RUBCNL: variants seen among roughly 807,000 people sequenced by gnomAD.
RUBCNL encodes the protein protein associated with UVRAG as autophagy enhancer.
A neutral mutation model predicts 69.5 loss-of-function variants in RUBCNL; 62 were observed. The ratio of observed to expected loss-of-function variants is 0.89; its 90% confidence interval spans 0.73 to 1.10. RUBCNL has a LOEUF of 1.10. RUBCNL is among the 50% of genes least tolerant of loss of function. The probability of loss-of-function intolerance (pLI) is 0.00; values close to 1 mark genes in which losing one functional copy is unlikely to be tolerated. For synonymous variants in RUBCNL, 291 were observed against 303.6 expected, an observed-to-expected ratio of 0.96 and a Z score of 0.43; for missense variants, 768 against 798.1, an observed-to-expected ratio of 0.96 and a Z score of 0.45.
At chr13:46,367,102 C>A (rs2048773868) in intron 5 of RUBCNL, among the ~76,000 whole-genome samples, 1 of 152,192 alleles carries the variant, frequency 6.6e-6, no homozygotes, top group Non-Finnish European at 1.5e-5. Flanking sequence ...AAGTAGCAAA[C>A]CCTAACATGA....
At position 46,356,212 on chromosome 13, in the gene RUBCNL, G is replaced by A. The variant is rs118023404; in HGVS notation, c.1330+220C>T. Among the ~76,000 whole-genome samples the A allele has an allele frequency of 6.0e-4, 91 of 152,308 alleles. No individual in the cohort carries two copies. The East Asian group carries it at 0.016, about 26-fold the overall frequency. ...GTGGCTGGAGCTGATGCCCAACAGG[G>A]AGAGAACTAGGAGGCTGGTCCTGGT... On this transcript the variant is annotated intron_variant, in intron 10 of 14. Coordinates refer to ENST00000429979, the MANE Select transcript of RUBCNL (RefSeq NM_025113.5).
chr13:46,362,054 C>T (rs1479065062), intron 7 of RUBCNL, among the ~76,000 whole-genome samples: 5 of 149,802 alleles, frequency 3.3e-5, no homozygotes, highest in Admixed American at 6.7e-5. Flanking sequence ...AGTGAAACCC[C>T]ATCTCTACTA....
chr13:46,380,477 G>T (rs2049094662), intron 1 of RUBCNL, among the ~76,000 whole-genome samples: 1 of 152,182 alleles, frequency 6.6e-6, no homozygotes, highest in Admixed American at 6.5e-5. Context: ...ATCCAAAGCT[G>T]TTTCCACTGG....
At chr13:46,385,171 C>T (rs185388642) in intron 1 of RUBCNL, 13 of 485,624 alleles carry the variant, frequency 2.7e-5, no homozygotes, top group African/African-American at 2.5e-4. Context: ...ACACAATGTC[C>T]TATGAAGGTT....
chr13:46,352,260 G>A (rs2048385657), intron 10 of RUBCNL, among the ~76,000 whole-genome samples: 1 of 152,170 alleles, frequency 6.6e-6, no homozygotes, highest in Non-Finnish European at 1.5e-5. Flanking sequence ...GCTTCAGAAA[G>A]AAAACAATTC....
chr13:46,339,445 T>A lies in RUBCNL; in HGVS notation c.*3940A>T, dbSNP rs998590954. On this transcript the variant is annotated 3_prime_UTR_variant, in exon 15 of 15. Coordinates refer to ENST00000429979, the MANE Select transcript of RUBCNL (RefSeq NM_025113.5). ...CATCTGACGGTGGCTAAGCCAGCCA[T>A]GCAGGCTCAGACCTGGGGGCAGAAA... 5.9e-5 allele frequency among the ~76,000 whole-genome samples: 9 copies of A among 152,180 alleles called. No homozygotes were observed. The highest frequency in any genetic ancestry group is 1.3e-4 in the Non-Finnish European group (9 of 68,028).
chr13:46,377,903 T>C lies in RUBCNL; in HGVS notation c.-136A>G. ...TCGGACACTCACCAGGAGTATGAATTTCTCGAAGAGGCAGATTGACACAGA... is the reference window on the plus strand; with the variant it reads ...TCGGACACTCACCAGGAGTATGAATCTCTCGAAGAGGCAGATTGACACAGA... On this transcript the variant is annotated 5_prime_UTR_variant, in exon 2 of 15. Coordinates refer to ENST00000429979, the MANE Select transcript of RUBCNL (RefSeq NM_025113.5). 1 of 1,606,596 alleles carries C rather than the reference T, an allele frequency of 6.2e-7. No individual in the cohort carries two copies. The highest frequency in any genetic ancestry group is 2.2e-5 in the East Asian group (1 of 44,802).
intron 2 of RUBCNL, among the ~76,000 whole-genome samples, chr13:46,373,262 C>T (rs535769119): frequency 9.2e-5 from 14 of 152,334 alleles, no homozygotes; most frequent in African/African-American, 2.9e-4. Context: ...GCATGAGCCA[C>T]TGCGCCCAGC....
chr13:46,363,175 G>C lies in RUBCNL; in HGVS notation c.865C>G (p.Arg289Gly). ...VLQVSPVTET[R>G]TYHDVKEICK... ...ATCTCTTTCACATCATGGTAAGTAC[G>C]TGTTTCAGTCACTGGGCTGACCTGT... Residue 289 changes from arginine to glycine, a missense_variant, in exon 6 of 15, where the codon CGT (arginine) becomes GGT (glycine). Physicochemically the swap from Arg to Gly is moderately radical, Grantham distance 125 (BLOSUM62 -2). Coordinates refer to ENST00000429979, the MANE Select transcript of RUBCNL (RefSeq NM_025113.5). The C allele has an allele frequency of 6.3e-7, 1 of 1,598,306 alleles. No homozygotes were observed. The highest frequency in any genetic ancestry group is 8.5e-7 in the Non-Finnish European group (1 of 1,172,348).
chr13:46,362,646 A>G, intron 6 of RUBCNL, 48 bp from the exon 7 acceptor site: 1 of 1,333,428 alleles, frequency 7.5e-7, no homozygotes. Flanking sequence ...AGTCTGTTTC[A>G]TTTAATCGCA....
chr13:46,352,809 A>G (rs2048399204), intron 10 of RUBCNL, among the ~76,000 whole-genome samples: 1 of 151,654 alleles, frequency 6.6e-6, no homozygotes. Flanking sequence ...ACTCCATCTC[A>G]AAAAAATAAA....
At position 46,335,021 on chromosome 13, in the gene RUBCNL, T is replaced by A. The variant is rs896891887; in HGVS notation, c.*8364A>T. Among the ~76,000 whole-genome samples, 1 of 151,364 alleles carries A rather than the reference T, an allele frequency of 6.6e-6. No individual in the cohort carries two copies. The highest frequency in any genetic ancestry group is 2.4e-5 in the African/African-American group (1 of 41,202). On this transcript the variant is annotated 3_prime_UTR_variant, in exon 15 of 15. Transcript: ENST00000429979. The stretch of plus-strand genomic sequence containing the variant: ...GGGAAGAGAGGAACAGCTCAGGAAG[T>A]GGTGCAGGTCAAGCCCAACAGGAAA...
chr13:46,387,092 C>G, intron 1 of RUBCNL, 42 bp downstream of exon 1: 9 of 985,904 alleles, frequency 9.1e-6, no homozygotes, highest in Non-Finnish European at 1.1e-5. Context: ...CCCTCTCCAC[C>G]CCGCGCCGCT....
chr13:46,350,759 T>G (rs2138695464), intron 10 of RUBCNL: 1 of 177,242 alleles, frequency 5.6e-6, no homozygotes, highest in African/African-American at 2.4e-5. Flanking sequence ...AACTCAGAAC[T>G]GGATCGAGTG....
At chr13:46,357,027 C>T (rs1329660237) in intron 9 of RUBCNL, among the ~76,000 whole-genome samples, 1 of 149,982 alleles carries the variant, frequency 6.7e-6, no homozygotes, top group Non-Finnish European at 1.5e-5. Flanking sequence ...CCGTGCCCAG[C>T]CTTAAAGCTA....
rs76280538 is a variant in RUBCNL, at chr13:46,377,908, G to T, written c.-141C>A. ...CACTCACCAGGAGTATGAATTTCTC[G>T]AAGAGGCAGATTGACACAGAGGAGA... On this transcript the variant is annotated 5_prime_UTR_variant, in exon 2 of 15. An upstream open reading frame in the 5' UTR gains an earlier in-frame stop. Coordinates refer to ENST00000429979, the MANE Select transcript of RUBCNL (RefSeq NM_025113.5). The T allele has an allele frequency of 1.2e-6, 2 of 1,607,940 alleles. No individual in the cohort carries two copies. The highest frequency in any genetic ancestry group is 2.2e-5 in the East Asian group (1 of 44,820).
At chr13:46,358,592 C>T (rs903450442) in intron 9 of RUBCNL, among the ~76,000 whole-genome samples, 1 of 152,146 alleles carries the variant, frequency 6.6e-6, no homozygotes, top group Non-Finnish European at 1.5e-5. Context: ...CTCGCTCTGT[C>T]ACCCAAGCTG....
At chr13:46,364,323 G>A (rs2048699055) in intron 5 of RUBCNL, among the ~76,000 whole-genome samples, 1 of 152,112 alleles carries the variant, frequency 6.6e-6, no homozygotes, top group African/African-American at 2.4e-5. Flanking sequence ...CTTGAACCTG[G>A]GAGGCAGAGG....
At chr13:46,356,763 G>C (rs2048494587) in intron 9 of RUBCNL, among the ~76,000 whole-genome samples, 1 of 151,922 alleles carries the variant, frequency 6.6e-6, no homozygotes, top group South Asian at 2.1e-4. Flanking sequence ...GAGGGCACTG[G>C]CATGATCATA....
Sources: gnomAD v4.1 joint callset for allele counts (sites outside exome capture counted in the v4.1 genomes callset) on GRCh38, gnomAD v4.1.1 for gene constraint, MANE v1.5 for transcripts, NCBI Gene and HGNC (gene_info 2026-07-23, HGNC 2026-07-21) for gene names.